ZC3H13: variants seen among roughly 807,000 people sequenced by gnomAD.
ZC3H13 encodes the protein zinc finger CCCH domain-containing protein 13.
ZC3H13 carries 64 observed loss-of-function variants against 204.1 expected under a neutral mutation model. The observed-to-expected ratio is 0.31, with a 90% CI of 0.26 to 0.39. ZC3H13 has a LOEUF of 0.39. Ranked by LOEUF, ZC3H13 falls within the 10% of genes least tolerant of loss-of-function variation. The probability of loss-of-function intolerance (pLI) is 1.00; values close to 1 mark genes in which losing one functional copy is unlikely to be tolerated. For synonymous variants in ZC3H13, 667 were observed against 693.7 expected, an observed-to-expected ratio of 0.96 and a Z score of 0.60; for missense variants, 1,833 against 2,082.7, an observed-to-expected ratio of 0.88 and a Z score of 2.33.
intron 5 of ZC3H13, among the ~76,000 whole-genome samples, chr13:46,016,827 AG>A (rs1440560440): frequency 2.0e-5 from 3 of 152,146 alleles, no homozygotes; most frequent in Non-Finnish European, 4.4e-5. Context: ...TGGGATTAGG[AG>A]GTTATTTTGG....
Position 45,989,104 on chromosome 13 carries a change from G to A in ZC3H13, c.945-7C>T. On this transcript the variant is annotated splice_polypyrimidine_tract_variant and splice_region_variant and intron_variant, in intron 8 of 18. Transcript: ENST00000679008. ...TCCTGCTGGGGAAGTAGACCTACAA[G>A]GGAAAACAATAACAATAAAACATGT... 1 of 1,609,866 alleles carries A rather than the reference G, an allele frequency of 6.2e-7. No individual in the cohort carries two copies. Among genetic ancestry groups the A allele is most frequent in the African/African-American group, 1.3e-5 (1 of 74,844 alleles).
Position 45,985,601 on chromosome 13 carries a change from GTC to G in ZC3H13, c.1414_1415del (p.Asp472LeufsTer14), listed in dbSNP as rs1377907931. On this transcript the variant is annotated frameshift_variant, in exon 10 of 19. Transcript: ENST00000679008. LOFTEE classifies it high-confidence loss of function. Reference sequence around the variant, plus strand: ...CCCTTGAGTCCCGCATGTCTCTGGAGTCTCTTAGTTCCCTTCGGTCCCTAGTA... The same window carrying G: ...CCCTTGAGTCCCGCATGTCTCTGGAGTCTTAGTTCCCTTCGGTCCCTAGTA... ...RDTRDRRELR[D>X]SRDMRDSREM... 1 of 1,613,754 alleles carries G rather than the reference GTC, an allele frequency of 6.2e-7. No individual in the cohort carries two copies. Among genetic ancestry groups the G allele is most frequent in the African/African-American group, 1.3e-5 (1 of 74,816 alleles).
Position 45,969,253 on chromosome 13 carries a change from T to A in ZC3H13, c.3291A>T (p.Leu1097=). 1 of 1,613,970 alleles carries A rather than the reference T, an allele frequency of 6.2e-7. No homozygotes were observed. Among genetic ancestry groups the A allele is most frequent in the Non-Finnish European group, 8.5e-7 (1 of 1,179,988 alleles). The part of the protein sequence containing the change: ...ATTPGSTPSP[L]SSLLPPPPPV... ...GCGGTGGAGGAGGAAGAAGAGAAGA[T>A]AGAGGAGAAGGGGTACTACCAGGAG... Residue 1097 remains leucine (L), a synonymous_variant, in exon 14 of 19, where the codon CTA becomes CTT. Coordinates refer to ENST00000679008, the MANE Select transcript of ZC3H13 (RefSeq NM_001330564.2).
At chr13:46,021,674 T>C (rs564781373) in intron 4 of ZC3H13, among the ~76,000 whole-genome samples, 5 of 151,968 alleles carry the variant, frequency 3.3e-5, no homozygotes, top group African/African-American at 1.2e-4. Flanking sequence ...CAACAGAGGC[T>C]GACGAAAATA....
intron 4 of ZC3H13, among the ~76,000 whole-genome samples, chr13:46,027,808 T>A (rs1487014324): frequency 3.3e-5 from 5 of 152,074 alleles, no homozygotes; most frequent in Non-Finnish European, 4.4e-5. Context: ...TAGAAAGAAG[T>A]ATAATTGATA....
At chr13:46,018,372 AG>A (rs2042037394) in intron 5 of ZC3H13, among the ~76,000 whole-genome samples, 1 of 152,118 alleles carries the variant, frequency 6.6e-6, no homozygotes, top group Non-Finnish European at 1.5e-5. Context: ...TTAGTTGTTA[AG>A]TGGGGATAAG....
intron 1 of ZC3H13, among the ~76,000 whole-genome samples, chr13:46,049,150 CAAA>C (rs58915210): frequency 6.5e-5 from 6 of 91,842 alleles, no homozygotes; most frequent in Admixed American, 1.2e-4. Context: ...GACTCCGTCT[CAAA>C]AAAAAAAAAA....
intron 8 of ZC3H13, among the ~76,000 whole-genome samples, chr13:45,991,274 C>A (rs1022451693): frequency 5.3e-5 from 8 of 152,090 alleles, no homozygotes; most frequent in African/African-American, 1.9e-4. Context: ...ACATATACTA[C>A]CTTTAAAAAA....
intron 8 of ZC3H13, among the ~76,000 whole-genome samples, chr13:45,991,245 T>TA (rs1410277453): frequency 6.6e-6 from 1 of 152,162 alleles, no homozygotes; most frequent in Non-Finnish European, 1.5e-5. Flanking sequence ...TCATAAAACT[T>TA]AAAAAAACAA....
intron 12 of ZC3H13, among the ~76,000 whole-genome samples, chr13:45,970,718 A>C (rs1952513976): frequency 6.6e-6 from 1 of 152,234 alleles, no homozygotes; most frequent in Admixed American, 6.5e-5. Context: ...AACTCAAGTG[A>C]AAATTGCCAG....
intron 1 of ZC3H13, among the ~76,000 whole-genome samples, chr13:46,048,952 G>C (rs1255571485): frequency 1.3e-5 from 2 of 151,968 alleles, no homozygotes; most frequent in African/African-American, 4.8e-5. Context: ...AACAGATCGA[G>C]ACCATCCTGG....
chr13:45,957,989 T>C (rs550919915), intron 18 of ZC3H13, among the ~76,000 whole-genome samples: 1 of 152,270 alleles, frequency 6.6e-6, no homozygotes, highest in Non-Finnish European at 1.5e-5. Flanking sequence ...CCAGGGAATG[T>C]TACAAAATAC....
At chr13:45,991,378 G>A (rs2039959568) in intron 8 of ZC3H13, among the ~76,000 whole-genome samples, 1 of 152,132 alleles carries the variant, frequency 6.6e-6, no homozygotes, top group Non-Finnish European at 1.5e-5. Flanking sequence ...ATCACATTAA[G>A]GTCAGAACAC....
Position 45,989,034 on chromosome 13 carries a change from T to C in ZC3H13, c.1008A>G (p.Ser336=). 6.2e-7 allele frequency: 1 copy of C among 1,614,138 alleles called. No individual in the cohort carries two copies. The highest frequency in any genetic ancestry group is 1.1e-5 in the South Asian group (1 of 91,082). ...PISSRHHSSS[S]QSGSSIQRHS... is the part of the protein sequence containing the mutation. ...GTCTTTGAATAGATGATCCTGATTGTGAGGAAGATGAGTGATGTCTAGAAG... is the reference window on the plus strand; with the variant it reads ...GTCTTTGAATAGATGATCCTGATTGCGAGGAAGATGAGTGATGTCTAGAAG... Residue 336 remains serine, a synonymous_variant, in exon 9 of 19, where the codon TCA becomes TCG. Coordinates refer to ENST00000679008, the MANE Select transcript of ZC3H13 (RefSeq NM_001330564.2).
In ZC3H13 at chr13:45,977,189, G is replaced by T. The variant is rs1043689917; in HGVS notation, c.1913-1351C>A. ...TCACTTTTGCTGAAACCAACTTAAA[G>T]TGGTTCTTCTGTACCATACTTTGGA... On this transcript the variant is annotated intron_variant, in intron 11 of 18. Coordinates refer to ENST00000679008, the MANE Select transcript of ZC3H13 (RefSeq NM_001330564.2). Among the ~76,000 whole-genome samples the T allele has an allele frequency of 2.0e-5, 3 of 152,068 alleles. No homozygotes were observed. In the East Asian group the frequency reaches 5.8e-4, roughly 29 times the overall value.
rs151297531 is a variant in ZC3H13 at position 45,984,284 on chromosome 13, C to T, written c.1720+1013G>A. On this transcript the variant is annotated intron_variant, in intron 10 of 18. Coordinates refer to ENST00000679008, the MANE Select transcript of ZC3H13 (RefSeq NM_001330564.2). ...AAATGTTTTTTGGGAAGAATACATA[C>T]AAAGCTGGCAAAAGAGTGGTCAGGG... is the stretch of plus-strand genomic sequence containing the variant. Among the ~76,000 whole-genome samples the T allele has an allele frequency of 4.4e-4, 67 of 152,192 alleles. No individual in the cohort carries two copies. The East Asian group carries it at 0.012, about 27-fold the overall frequency.
intron 17 of ZC3H13, chr13:45,962,478 T>G: frequency 1.0e-6 from 1 of 984,250 alleles, no homozygotes; most frequent in Non-Finnish European, 1.2e-6. Context: ...CAAATAAAAT[T>G]GAGGCTCACA....
chr13:46,020,283 T>C (rs879458486), intron 5 of ZC3H13, among the ~76,000 whole-genome samples, 166 bp downstream of exon 5: 13 of 152,190 alleles, frequency 8.5e-5, no homozygotes, highest in Non-Finnish European at 1.5e-4. Context: ...TTTGTACAGC[T>C]ACTATATGCC....
intron 15 of ZC3H13, 114 bp downstream of exon 15, chr13:45,967,390 G>C: frequency 8.5e-7 from 1 of 1,181,024 alleles, no homozygotes; most frequent in Non-Finnish European, 1.2e-6. Flanking sequence ...TAGAAGAATG[G>C]AGAATGGAGT....
Sources: allele counts gnomAD v4.1 joint callset (sites outside exome capture counted in the v4.1 genomes callset), GRCh38; gene constraint gnomAD v4.1.1; transcripts MANE v1.5; gene names NCBI Gene and HGNC (gene_info 2026-07-23, HGNC 2026-07-21).